AP2M1: variants seen among roughly 807,000 people sequenced by gnomAD.
The protein encoded by AP2M1 is AP-2 complex subunit mu.
Under a neutral mutation model 54.5 loss-of-function variants are expected in AP2M1, and 5 were observed. That is an observed-to-expected ratio of 0.09 (90% confidence interval 0.05 to 0.19). The LOEUF is 0.19. Among genes scored for constraint, AP2M1 ranks in the 10% least tolerant of loss-of-function variants. The probability of loss-of-function intolerance (pLI) is 1.00; values close to 1 mark genes in which losing one functional copy is unlikely to be tolerated. For synonymous variants in AP2M1, 186 were observed against 208.2 expected (o/e 0.89, Z 0.92); for missense variants, 178 against 580.2 (o/e 0.31, Z 7.12).
chr3:184,177,212 G>A, intron 2 of AP2M1, 145 bp downstream of exon 2: 1 of 847,716 alleles, frequency 1.2e-6, no homozygotes, highest in Non-Finnish European at 1.8e-6. Context: ...AGTGTAGCCT[G>A]GCTCCCATTA....
intron 3 of AP2M1, 76 bp downstream of exon 3, chr3:184,179,198 G>T (rs1715187861): frequency 1.3e-6 from 2 of 1,546,438 alleles, no homozygotes; most frequent in East Asian, 2.3e-5. Flanking sequence ...GAAGGTGGGT[G>T]TAGGTCCGAG....
rs967984644 is a variant in AP2M1, at chr3:184,178,010, A to G, written c.75-847A>G. On this transcript the variant is annotated intron_variant, in intron 2 of 11. Transcript: ENST00000292807. This position sits in a 1 kb window ranked among gnomAD's most constrained non-coding sequence, Gnocchi z 4.9. ...GGCCTGTCTGAACCTGGCTGGCTAC[A>G]CCCCCCACCCCAGACCCCCTCCTGC... The G allele has an allele frequency of 1.5e-6, 1 of 655,576 alleles. No homozygotes were observed. Among genetic ancestry groups the G allele is most frequent in the East Asian group, 2.8e-5 (1 of 36,298 alleles). The allele number at this position is 655,576 out of a possible 1,614,324, so 40.6% of individuals were successfully genotyped here.
rs1370148729 is a variant in AP2M1 at position 184,181,924 on chromosome 3, C to T, written c.840C>T (p.Thr280=). The change falls in exon 9 of 12, where the codon ACC becomes ACT. Residue 280 remains threonine, a synonymous_variant. Transcript: ENST00000292807. The surrounding 1 kb of genome is among the most constrained non-coding windows in gnomAD (Gnocchi z 5.7). The part of the protein sequence containing the change: ...GEFELMRYRT[T]KDIILPFRVI... Reference sequence around the variant, plus strand: ...CCCATCCCTTAAGGTATCGCACAACCAAGGACATCATCCTTCCCTTCCGGG... The same window carrying T: ...CCCATCCCTTAAGGTATCGCACAACTAAGGACATCATCCTTCCCTTCCGGG... The T allele has an allele frequency of 3.1e-6, 5 of 1,614,168 alleles. No individual in the cohort carries two copies. The highest frequency in any genetic ancestry group is 4.2e-6 in the Non-Finnish European group (5 of 1,180,026).
At position 184,178,926 on chromosome 3, in the gene AP2M1, C is replaced by T. The variant is rs148249373; in HGVS notation, c.144C>T (p.Thr48=). 3.7e-6 allele frequency: 6 copies of T among 1,614,192 alleles called. No individual in the cohort carries two copies. The Admixed American group carries it at 8.3e-5, about 22-fold the overall frequency. The change falls in exon 3 of 12, where the codon ACC becomes ACT. Residue 48 remains threonine (T), a synonymous_variant. Transcript: ENST00000292807. The surrounding 1 kb of genome is among the most constrained non-coding windows in gnomAD (Gnocchi z 4.9). The stretch of plus-strand genomic sequence containing the variant: ...GGCAGCAGGTGCGCAGCCCCGTCAC[C>T]AACATTGCTCGCACCAGCTTCTTCC... The part of the protein sequence containing the change: ...HARQQVRSPV[T]NIARTSFFHV...
chr3:184,177,613 T>C, intron 2 of AP2M1: 1 of 1,535,852 alleles, frequency 6.5e-7, no homozygotes, highest in Non-Finnish European at 8.7e-7. Flanking sequence ...GCTGGAAGCG[T>C]GAGGCACTCT....
chr3:184,178,944 C>G lies in AP2M1; in HGVS notation c.162C>G (p.Ser54Arg). 1 of 1,614,230 alleles carries G rather than the reference C, an allele frequency of 6.2e-7. No homozygotes were observed. The highest frequency in any genetic ancestry group is 8.5e-7 in the Non-Finnish European group (1 of 1,180,046). ...RSPVTNIARTSFFHVKRSNIW... is the reference protein window; with the variant it reads ...RSPVTNIARTRFFHVKRSNIW... ...CCGTCACCAACATTGCTCGCACCAG[C>G]TTCTTCCACGTTAAGCGGTCCAACA... The change falls in exon 3 of 12, where the codon AGC (serine) becomes AGG (arginine). Residue 54 changes from serine to arginine, a missense_variant. Ser to Arg is a moderately radical substitution (Grantham distance 110). Coordinates refer to ENST00000292807, the MANE Select transcript of AP2M1 (RefSeq NM_004068.4). The surrounding 1 kb of genome is among the most constrained non-coding windows in gnomAD (Gnocchi z 4.9).
In AP2M1 at chr3:184,182,971, C is replaced by T; in HGVS notation, c.1173+103C>T. On this transcript the variant is annotated intron_variant, in intron 11 of 11. Coordinates refer to ENST00000292807, the MANE Select transcript of AP2M1 (RefSeq NM_004068.4). This position sits in a 1 kb window ranked among gnomAD's most constrained non-coding sequence, Gnocchi z 5.5. ...CACCTTAGAGGTGAGGAAACTGAGG[C>T]CTAGAAAGAAGAACTGGCTTTAATT... The T allele has an allele frequency of 1.0e-6, 1 of 966,656 alleles. No individual in the cohort carries two copies. The highest frequency in any genetic ancestry group is 1.4e-5 in the South Asian group (1 of 72,528). 59.9% of individuals were successfully genotyped at this position (966,656 alleles called of 1,614,324 possible).
At chr3:184,179,355 G>T in intron 3 of AP2M1, 3 of 553,346 alleles carry the variant, frequency 5.4e-6, no homozygotes, top group Non-Finnish European at 9.5e-6. Context: ...ATCTTCCAAG[G>T]GGCTAGGAAC....
rs559019214 is a variant in AP2M1, at chr3:184,182,563, G to T, written c.1062-194G>T. On this transcript the variant is annotated intron_variant, in intron 10 of 11. Coordinates refer to ENST00000292807, the MANE Select transcript of AP2M1 (RefSeq NM_004068.4). The surrounding 1 kb of genome is among the most constrained non-coding windows in gnomAD (Gnocchi z 5.5). Reference sequence around the variant, plus strand: ...AACGATAGCATGTCCAAGTGTCTAGGCAGAAACTGCATCCTGTTGTTCTAA... The same window carrying T: ...AACGATAGCATGTCCAAGTGTCTAGTCAGAAACTGCATCCTGTTGTTCTAA... Among the ~76,000 whole-genome samples, 46 of 152,198 alleles carry T rather than the reference G, an allele frequency of 3.0e-4. No homozygotes were observed. The highest frequency in any genetic ancestry group is 2.7e-3 in the Admixed American group (41 of 15,300).
chr3:184,178,074 C>T lies in AP2M1; in HGVS notation c.75-783C>T. On this transcript the variant is annotated intron_variant, in intron 2 of 11. Transcript: ENST00000292807. The surrounding 1 kb of genome is among the most constrained non-coding windows in gnomAD (Gnocchi z 4.9). The stretch of plus-strand genomic sequence containing the variant: ...GGCAAGCCAAGGCCAGGTCACACGC[C>T]GCCTTGCCTGTCTTGTCTGCTTCTG... 4 of 1,063,012 alleles carry T rather than the reference C, an allele frequency of 3.8e-6. No homozygotes were observed. The highest frequency in any genetic ancestry group is 2.7e-5 in the South Asian group (2 of 73,888). 65.8% of individuals were successfully genotyped at this position (1,063,012 alleles called of 1,614,324 possible).
intron 2 of AP2M1, 46 bp downstream of exon 2, chr3:184,177,113 C>T (rs768276985): frequency 4.4e-6 from 7 of 1,575,954 alleles, no homozygotes; most frequent in Non-Finnish European, 6.1e-6. Context: ...CTCCAGCCCC[C>T]CAGCCCCAGC....
At chr3:184,179,154 G>A (rs771827784) in intron 3 of AP2M1, 32 bp downstream of exon 3, 27 of 1,605,024 alleles carry the variant, frequency 1.7e-5, no homozygotes, top group Admixed American at 3.3e-5. Context: ...GGCAGCGGGC[G>A]TAGGGTGGGA....
Position 184,183,176 on chromosome 3 carries a change from C to T in AP2M1, c.1174-306C>T, listed in dbSNP as rs932165497. On this transcript the variant is annotated intron_variant, in intron 11 of 11. Transcript: ENST00000292807. The surrounding 1 kb of genome is among the most constrained non-coding windows in gnomAD (Gnocchi z 5.7). ...AGGATAATGGGCTGACTTTGCTTTG[C>T]GCATGTTAGACATAATTTTCTCCAC... 14 of 549,310 alleles carry T rather than the reference C, an allele frequency of 2.5e-5. No individual in the cohort carries two copies. The highest frequency in any genetic ancestry group is 1.9e-4 in the Admixed American group (6 of 32,234). 34.0% of individuals were successfully genotyped at this position (549,310 alleles called of 1,614,324 possible). A position where few individuals can be genotyped will look rare whatever the true frequency, so the allele number is the denominator to read the frequency against.
rs1715312731 is a variant in AP2M1 at position 184,182,671 on chromosome 3, T to C, written c.1062-86T>C. 5.9e-6 allele frequency: 7 copies of C among 1,179,532 alleles called. No homozygotes were observed. The highest frequency in any genetic ancestry group is 8.7e-6 in the Non-Finnish European group (7 of 808,384). 73.1% of individuals were successfully genotyped at this position (1,179,532 alleles called of 1,614,324 possible). On this transcript the variant is annotated intron_variant, in intron 10 of 11. Coordinates refer to ENST00000292807, the MANE Select transcript of AP2M1 (RefSeq NM_004068.4). This position sits in a 1 kb window ranked among gnomAD's most constrained non-coding sequence, Gnocchi z 5.5. ...TGTTCTGGCACCTCCTGCAAGCTCC[T>C]GGGCTCTCTCCTTGCTTGAAATGGG...
chr3:184,178,887 T>C lies in AP2M1; in HGVS notation c.105T>C (p.Asn35=). 3 of 1,614,120 alleles carry C rather than the reference T, an allele frequency of 1.9e-6. No homozygotes were observed. The highest frequency in any genetic ancestry group is 1.7e-4 in the Middle Eastern group (1 of 6,032). The change falls in exon 3 of 12, where the codon AAT becomes AAC. Residue 35 remains asparagine, a synonymous_variant. Transcript: ENST00000292807. The surrounding 1 kb of genome is among the most constrained non-coding windows in gnomAD (Gnocchi z 4.9). ...ACGCAGTGGATGCCTTTCGGGTCAA[T>C]GTTATCCATGCCCGGCAGCAGGTGC... ...GRNAVDAFRV[N]VIHARQQVRS...
At chr3:184,179,243 T>C in intron 3 of AP2M1, 121 bp downstream of exon 3, 2 of 1,306,160 alleles carry the variant, frequency 1.5e-6, no homozygotes, top group Non-Finnish European at 2.1e-6. Flanking sequence ...TTCCTGAGTA[T>C]TTGGTCTCTT....
chr3:184,176,210 C>T (rs181710361), intron 1 of AP2M1, among the ~76,000 whole-genome samples: 25 of 152,176 alleles, frequency 1.6e-4, no homozygotes, highest in African/African-American at 2.6e-4. Flanking sequence ...ATTTTTATTG[C>T]ATTCCAGAGC....
rs773986614 is a variant in AP2M1 at position 184,182,585 on chromosome 3, C to G, written c.1062-172C>G. 8.5e-5 allele frequency among the ~76,000 whole-genome samples: 13 copies of G among 152,082 alleles called. No homozygotes were observed. The highest frequency in any genetic ancestry group is 2.6e-4 in the Admixed American group (4 of 15,274). On this transcript the variant is annotated intron_variant, in intron 10 of 11. Coordinates refer to ENST00000292807, the MANE Select transcript of AP2M1 (RefSeq NM_004068.4). This position sits in a 1 kb window ranked among gnomAD's most constrained non-coding sequence, Gnocchi z 5.5. The stretch of plus-strand genomic sequence containing the variant: ...TAGGCAGAAACTGCATCCTGTTGTT[C>G]TAAAGAAGTAGACCCAAGTTTCCAT...
In AP2M1 at chr3:184,183,066, C is replaced by T; in HGVS notation, c.1173+198C>T. 1.6e-6 allele frequency: 1 copy of T among 639,464 alleles called. No homozygotes were observed. Among genetic ancestry groups the T allele is most frequent in the Non-Finnish European group, 2.8e-6 (1 of 352,478 alleles). 39.6% of individuals were successfully genotyped at this position (639,464 alleles called of 1,614,324 possible). On this transcript the variant is annotated intron_variant, in intron 11 of 11. Transcript: ENST00000292807. The surrounding 1 kb of genome is among the most constrained non-coding windows in gnomAD (Gnocchi z 5.7). ...TATTTGTGATGAGGCAAATCTTTTA[C>T]TTCTCTCGGCTTGTCCTAACACAGT...
Sources: allele counts gnomAD v4.1 joint callset (sites outside exome capture counted in the v4.1 genomes callset), GRCh38; gene constraint gnomAD v4.1.1; non-coding constraint Gnocchi (gnomAD v3.1); transcripts MANE v1.5; gene names NCBI Gene and HGNC (gene_info 2026-07-23, HGNC 2026-07-21).